The following CBX7 variants were observed in gnomAD, a reference collection of about 807,000 sequenced individuals.
CBX7 encodes chromobox 7.
A neutral mutation model predicts 31.4 loss-of-function variants in CBX7; 14 were observed. That is an observed-to-expected ratio of 0.45 (90% CI 0.29 to 0.70). The LOEUF is 0.70. Among genes scored for constraint, CBX7 ranks in the 30% least tolerant of loss-of-function variants. The pLI, the probability that CBX7 is intolerant of heterozygous loss-of-function variation, is 0.11. For missense variants in CBX7, 269 were observed against 351.9 expected, an observed-to-expected ratio of 0.76 and a Z score of 1.89; for synonymous variants, 159 against 152.6, an observed-to-expected ratio of 1.04 and a Z score of -0.31.
rs180803979 is a variant in CBX7 at position 39,131,441 on chromosome 22, C to G, written c.*2450G>C. 1 of 152,938 alleles carries G rather than the reference C, an allele frequency of 6.5e-6. No individual in the cohort carries two copies. The highest frequency in any genetic ancestry group is 1.9e-4 in the East Asian group (1 of 5,178). 9.5% of individuals were successfully genotyped at this position (152,938 alleles called of 1,614,324 possible). A position where few individuals can be genotyped will look rare whatever the true frequency, so the allele number is the denominator to read the frequency against. ...GGCTGGAAGGAGGCCTGCACGGCCA[C>G]AGCCGTAGGTGACCTCATAGAGGTC... On this transcript the variant is annotated 3_prime_UTR_variant, in exon 6 of 6. Transcript: ENST00000216133.
intron 5 of CBX7, 80 bp from the exon 6 acceptor site, chr22:39,134,128 C>T (rs192927089): frequency 2.0e-5 from 28 of 1,374,746 alleles, no homozygotes; most frequent in Non-Finnish European, 2.8e-5. Flanking sequence ...ACCCCAACTC[C>T]AGCTCCTCCT....
chr22:39,136,847 C>G (rs1053635375), intron 4 of CBX7: 1 of 152,276 alleles, frequency 6.6e-6, no homozygotes, highest in African/African-American at 2.4e-5. Flanking sequence ...CACAGACGTC[C>G]AGGAGATGTT....
Position 39,141,367 on chromosome 22 carries a change from G to T in CBX7, c.179+4C>A. 6.2e-7 allele frequency: 1 copy of T among 1,610,518 alleles called. No individual in the cohort carries two copies. The highest frequency in any genetic ancestry group is 8.5e-7 in the Non-Finnish European group (1 of 1,178,602). On this transcript the variant is annotated splice_donor_region_variant and intron_variant, in intron 3 of 5. Coordinates refer to ENST00000216133, the MANE Select transcript of CBX7 (RefSeq NM_175709.5). ...CCCACCCGGCGGTGCCGAGGACACCGTACTTCTCCTCGTAGGCCATGACGA... is the reference window on the plus strand; with the variant it reads ...CCCACCCGGCGGTGCCGAGGACACCTTACTTCTCCTCGTAGGCCATGACGA...
At position 39,133,676 on chromosome 22, in the gene CBX7, C is replaced by A; in HGVS notation, c.*215G>T. On this transcript the variant is annotated 3_prime_UTR_variant, in exon 6 of 6. Transcript: ENST00000216133. The stretch of plus-strand genomic sequence containing the variant: ...CTGCCCTGGGGGTGGTACCCCAACT[C>A]CCAGAGCAACTCTCTCCATCCCCAG... 4.2e-6 allele frequency: 2 copies of A among 470,810 alleles called. No individual in the cohort carries two copies. 29.2% of individuals were successfully genotyped at this position (470,810 alleles called of 1,614,324 possible).
intron 2 of CBX7, chr22:39,147,234 T>G (rs1930695385): frequency 6.6e-6 from 1 of 151,882 alleles, no homozygotes; most frequent in African/African-American, 2.4e-5. Context: ...TGGCTAATTT[T>G]TTATGCTTTT....
In CBX7 at chr22:39,138,721, G is replaced by T; in HGVS notation, c.180-19C>A. On this transcript the variant is annotated intron_variant, in intron 3 of 5. Transcript: ENST00000216133. ...CTCCTCCCTGGGGTGTGAAGCAGGT[G>T]GCAGAAGAAAAGGAAACACTGGTGA... 1 of 1,613,088 alleles carries T rather than the reference G, an allele frequency of 6.2e-7. No homozygotes were observed. Among genetic ancestry groups the T allele is most frequent in the South Asian group, 1.1e-5 (1 of 91,060 alleles).
chr22:39,148,039 G>A (rs1930722756), intron 2 of CBX7: 1 of 152,276 alleles, frequency 6.6e-6, no homozygotes, highest in Non-Finnish European at 1.5e-5. Context: ...ACTCGAAGAT[G>A]AGGAAGCAGA....
At chr22:39,141,017 T>C (rs756824745) in intron 3 of CBX7, 13 of 259,822 alleles carry the variant, frequency 5.0e-5, no homozygotes, top group Non-Finnish European at 8.3e-5. Context: ...CAGGGCATCT[T>C]TGTGAAGCAT....
Position 39,133,908 on chromosome 22 carries a change from G to C in CBX7, c.739C>G (p.Arg247Gly), listed in dbSNP as rs746842819. The change falls in exon 6 of 6, where the codon CGC becomes GGC. Residue 247 changes from arginine (R) to glycine (G), a missense_variant. Coordinates refer to ENST00000216133, the MANE Select transcript of CBX7 (RefSeq NM_175709.5). ...AQAAEGFFRD[R>G]SGKF Reference sequence around the variant, plus strand: ...ACGGTGATTCAGAACTTCCCACTGCGGTCTCGGAAGAAGCCCTCAGCTGCC... The same window carrying C: ...ACGGTGATTCAGAACTTCCCACTGCCGTCTCGGAAGAAGCCCTCAGCTGCC... 6.2e-7 allele frequency: 1 copy of C among 1,611,286 alleles called. No homozygotes were observed. Among genetic ancestry groups the C allele is most frequent in the East Asian group, 2.2e-5 (1 of 44,722 alleles).
intron 2 of CBX7, among the ~76,000 whole-genome samples, chr22:39,144,566 G>A (rs1284433050): frequency 6.6e-6 from 1 of 152,252 alleles, no homozygotes. Context: ...AATGCCGAAA[G>A]CGAAACTACA....
chr22:39,151,072 T>A (rs1191097451), intron 1 of CBX7, among the ~76,000 whole-genome samples: 1 of 152,136 alleles, frequency 6.6e-6, no homozygotes, highest in African/African-American at 2.4e-5. Flanking sequence ...CAATAAATAT[T>A]TTGAGTGACT....
At chr22:39,150,611 A>G (rs535562412) in intron 1 of CBX7, among the ~76,000 whole-genome samples, 2 of 152,266 alleles carry the variant, frequency 1.3e-5, no homozygotes, top group South Asian at 4.1e-4. Context: ...CTGTCTCTGA[A>G]AAAAGGAAAT....
intron 3 of CBX7, among the ~76,000 whole-genome samples, chr22:39,139,898 CCAGCCTGGGAGA>C (rs1429876459): frequency 6.6e-6 from 1 of 151,790 alleles, no homozygotes; most frequent in Non-Finnish European, 1.5e-5. Flanking sequence ...CCACTGCACT[CCAGCCTGGGAGA>C]CAGGGTGAGA....
intron 5 of CBX7, 36 bp downstream of exon 5, chr22:39,134,365 C>A: frequency 1.3e-6 from 2 of 1,538,232 alleles, no homozygotes; most frequent in Non-Finnish European, 1.8e-6. Context: ...AGGGCCCTTT[C>A]CAGCTCTGAG....
intron 1 of CBX7, among the ~76,000 whole-genome samples, chr22:39,150,540 T>C (rs1289471429): frequency 6.6e-6 from 1 of 152,138 alleles, no homozygotes; most frequent in Non-Finnish European, 1.5e-5. Context: ...AGGCTGAGGC[T>C]GGAAGATCGC....
At chr22:39,142,801 G>T (rs1174340566) in intron 2 of CBX7, among the ~76,000 whole-genome samples, 1 of 152,010 alleles carries the variant, frequency 6.6e-6, no homozygotes, top group Non-Finnish European at 1.5e-5. Context: ...GTCCGTGACG[G>T]CCTGCGCATG....
chr22:39,152,435 A>T lies in CBX7; in HGVS notation c.10T>A (p.Ser4Thr). 2.3e-6 allele frequency: 3 copies of T among 1,288,960 alleles called. No individual in the cohort carries two copies. The highest frequency in any genetic ancestry group is 3.0e-6 in the Non-Finnish European group (3 of 1,007,462). The allele number at this position is 1,288,960 out of a possible 1,614,324, so 79.8% of individuals were successfully genotyped here. A position where few individuals can be genotyped will look rare whatever the true frequency, so the allele number is the denominator to read the frequency against. MEL[S>T]AIGEQVFAVE... ...GCGAACACCTGCTCGCCGATGGCTG[A>T]CAGCTCCATGCGGGGCGGCGGGCGA... The change falls in exon 1 of 6, where the codon TCA becomes ACA. Residue 4 changes from serine to threonine, a missense_variant. This residue lies in a region of CBX7 where 47 missense variants were observed against 111.5 expected (regional missense o/e 0.42). Coordinates refer to ENST00000216133, the MANE Select transcript of CBX7 (RefSeq NM_175709.5). The surrounding 1 kb of genome is among the most constrained non-coding windows in gnomAD (Gnocchi z 4.9).
chr22:39,134,084 A>G, intron 5 of CBX7, 36 bp from the exon 6 acceptor site: 1 of 1,559,256 alleles, frequency 6.4e-7, no homozygotes, highest in Non-Finnish European at 8.7e-7. Context: ...GGCAGCGTTG[A>G]CAAGGTGGGA....
rs898130860 is a variant in CBX7, at chr22:39,141,519, C to A, written c.114-83G>T. 10 of 1,163,002 alleles carry A rather than the reference C, an allele frequency of 8.6e-6. No individual in the cohort carries two copies. In the South Asian group the frequency reaches 9.1e-5, roughly 11 times the overall value. The allele number at this position is 1,163,002 out of a possible 1,614,324, so 72.0% of individuals were successfully genotyped here. The stretch of plus-strand genomic sequence containing the variant: ...ATCCCAGCACTTTGGGAGGCCGAGG[C>A]GGGCAAATCACCTGAGGTCAGGAGT... On this transcript the variant is annotated intron_variant, in intron 2 of 5. Transcript: ENST00000216133.
Sources: gnomAD v4.1 joint callset for allele counts (sites outside exome capture counted in the v4.1 genomes callset) on GRCh38, gnomAD v4.1.1 for gene constraint, gnomAD v4.1.1 regional missense constraint, Gnocchi (gnomAD v3.1) non-coding constraint, MANE v1.5 for transcripts, NCBI Gene and HGNC (gene_info 2026-07-23, HGNC 2026-07-21) for gene names.